Variants in SRF observed in about 807,000 individuals in gnomAD.
SRF encodes the protein c-fos serum response element-binding transcription factor.
Under a neutral mutation model 37.1 loss-of-function variants are expected in SRF, and 7 were observed. The observed-to-expected ratio is 0.19, with a 90% CI of 0.11 to 0.35. The LOEUF is 0.35. Among genes scored for constraint, SRF ranks in the 10% least tolerant of loss-of-function variants. The probability of loss-of-function intolerance (pLI) is 1.00; values close to 1 mark genes in which losing one functional copy is unlikely to be tolerated. For missense variants in SRF, 395 were observed against 694.4 expected, an observed-to-expected ratio of 0.57 and a Z score of 4.85; for synonymous variants, 285 against 310.1, an observed-to-expected ratio of 0.92 and a Z score of 0.85.
In SRF at chr6:43,176,277, C is replaced by A. The variant is rs1169502685; in HGVS notation, c.1043-271C>A. 6.6e-6 allele frequency among the ~76,000 whole-genome samples: 1 copy of A among 152,164 alleles called. No individual in the cohort carries two copies. Among genetic ancestry groups the A allele is most frequent in the African/African-American group, 2.4e-5 (1 of 41,434 alleles). ...TTCCTGCCTTGACTGGAAGGCAGAT[C>A]ATGTCTTTGATGGGTTATTGCCAGC... On this transcript the variant is annotated intron_variant, in intron 3 of 6. Transcript: ENST00000265354. This position sits in a 1 kb window ranked among gnomAD's most constrained non-coding sequence, Gnocchi z 4.0.
chr6:43,181,175 A>G lies in SRF; in HGVS notation c.*1985A>G, dbSNP rs959475552. On this transcript the variant is annotated 3_prime_UTR_variant, in exon 7 of 7. Transcript: ENST00000265354. ...TCTCCTTCCCACAAAAGACAGACCC[A>G]GTGAGTGAATCAGGCAAAGTGCTTA... The G allele has an allele frequency of 6.5e-6, 1 of 152,770 alleles. No homozygotes were observed. Among genetic ancestry groups the G allele is most frequent in the African/African-American group, 2.4e-5 (1 of 41,444 alleles). The allele number at this position is 152,770 out of a possible 1,614,324, so 9.5% of individuals were successfully genotyped here.
In SRF at chr6:43,178,680, G is replaced by A; in HGVS notation, c.1355-126G>A. 8.0e-7 allele frequency: 1 copy of A among 1,257,560 alleles called. No individual in the cohort carries two copies. The allele number at this position is 1,257,560 out of a possible 1,614,324, so 77.9% of individuals were successfully genotyped here. Reference sequence around the variant, plus strand: ...ACCCGCATGCACCCTCAGACACACTGGCACCCTTTCCCTTGGGCTCTTACA... The same window carrying A: ...ACCCGCATGCACCCTCAGACACACTAGCACCCTTTCCCTTGGGCTCTTACA... On this transcript the variant is annotated intron_variant, in intron 5 of 6. Transcript: ENST00000265354. This position sits in a 1 kb window ranked among gnomAD's most constrained non-coding sequence, Gnocchi z 4.3.
chr6:43,176,845 G>T lies in SRF; in HGVS notation c.1162+178G>T, dbSNP rs565785538. Among the ~76,000 whole-genome samples the T allele has an allele frequency of 6.6e-6, 1 of 152,116 alleles. No homozygotes were observed. The highest frequency in any genetic ancestry group is 1.5e-5 in the Non-Finnish European group (1 of 68,016). The stretch of plus-strand genomic sequence containing the variant: ...TGAGGATGACTGGGTTTTGAATCCC[G>T]CCCTGCAGTGGGCTGCGGATTCCAG... On this transcript the variant is annotated intron_variant, in intron 4 of 6. Transcript: ENST00000265354. The surrounding 1 kb of genome is among the most constrained non-coding windows in gnomAD (Gnocchi z 4.0).
rs560798978 is a variant in SRF, at chr6:43,175,591, G to A, written c.781-115G>A. The A allele has an allele frequency of 7.1e-5, 97 of 1,370,468 alleles. No individual in the cohort carries two copies. In the African/African-American group the frequency reaches 1.1e-3, roughly 16 times the overall value. 84.9% of individuals were successfully genotyped at this position (1,370,468 alleles called of 1,614,324 possible). A position where few individuals can be genotyped will look rare whatever the true frequency, so the allele number is the denominator to read the frequency against. On this transcript the variant is annotated intron_variant, in intron 2 of 6. Coordinates refer to ENST00000265354, the MANE Select transcript of SRF (RefSeq NM_003131.4). ...AGTCAGGCATCAGGTAAATGGTGGC[G>A]TTGGGATTTGAACCCAAGCTCACTG...
In SRF at chr6:43,172,194, C is replaced by T. The variant is rs1772121285; in HGVS notation, c.513+25C>T. On this transcript the variant is annotated intron_variant, in intron 1 of 6. Coordinates refer to ENST00000265354, the MANE Select transcript of SRF (RefSeq NM_003131.4). The surrounding 1 kb of genome is among the most constrained non-coding windows in gnomAD (Gnocchi z 5.7). ...GGTACCAAGCCGGGGGGCTGGCCGG[C>T]CCCGGGGCCCGGTTGGGGTGGGGAT... The T allele has an allele frequency of 1.9e-6, 3 of 1,599,418 alleles. No individual in the cohort carries two copies.
In SRF at chr6:43,179,333, C is replaced by G. The variant is rs1412345932; in HGVS notation, c.*143C>G. ...ACGGGCAGCCACAGGACTGAGCCCTCTCACTCCAGCCAAAGAAATGGGCCT... is the reference window on the plus strand; with the variant it reads ...ACGGGCAGCCACAGGACTGAGCCCTGTCACTCCAGCCAAAGAAATGGGCCT... On this transcript the variant is annotated 3_prime_UTR_variant, in exon 7 of 7. Coordinates refer to ENST00000265354, the MANE Select transcript of SRF (RefSeq NM_003131.4). This position sits in a 1 kb window ranked among gnomAD's most constrained non-coding sequence, Gnocchi z 5.3. 3.7e-6 allele frequency: 3 copies of G among 804,274 alleles called. No individual in the cohort carries two copies. Among genetic ancestry groups the G allele is most frequent in the African/African-American group, 3.4e-5 (2 of 58,536 alleles). The allele number at this position is 804,274 out of a possible 1,614,324, so 49.8% of individuals were successfully genotyped here. A position where few individuals can be genotyped will look rare whatever the true frequency, so the allele number is the denominator to read the frequency against.
chr6:43,177,929 AAAGG>A (rs1203516143), intron 4 of SRF, among the ~76,000 whole-genome samples: 2 of 151,806 alleles, frequency 1.3e-5, no homozygotes, highest in African/African-American at 4.8e-5. Flanking sequence ...AAAAAAAAAA[AAAGG>A]AGGGAGAATG....
chr6:43,178,253 T>G lies in SRF; in HGVS notation c.1163-41T>G. The G allele has an allele frequency of 6.4e-7, 1 of 1,554,432 alleles. No homozygotes were observed. The highest frequency in any genetic ancestry group is 8.7e-7 in the Non-Finnish European group (1 of 1,143,520). ...CTAGGGACGGAATGGGAGTTATCAGTGGGGACCAGTGCCGAGCTGACACAT... is the reference window on the plus strand; with the variant it reads ...CTAGGGACGGAATGGGAGTTATCAGGGGGGACCAGTGCCGAGCTGACACAT... On this transcript the variant is annotated intron_variant, in intron 4 of 6. Coordinates refer to ENST00000265354, the MANE Select transcript of SRF (RefSeq NM_003131.4). The surrounding 1 kb of genome is among the most constrained non-coding windows in gnomAD (Gnocchi z 4.3).
intron 4 of SRF, among the ~76,000 whole-genome samples, chr6:43,177,567 C>A (rs753990184): frequency 1.3e-5 from 2 of 150,604 alleles, no homozygotes; most frequent in African/African-American, 4.9e-5. Context: ...ATATAATGCA[C>A]GTTAACATTT....
chr6:43,174,069 C>A lies in SRF; in HGVS notation c.736C>A (p.Leu246Ile). The change falls in exon 2 of 7, where the codon CTC becomes ATC. Residue 246 changes from leucine (L) to isoleucine (I), a missense_variant. Leu to Ile is a conservative substitution (Grantham distance 5, BLOSUM62 2). Transcript: ENST00000265354. ...MSATGFEETD[L>I]TYQVSESDSS... is the part of the protein sequence containing the mutation. ...TGCCACTGGCTTTGAAGAGACAGAT[C>A]TCACCTACCAGGTGTCGGAGTCTGA... 6.2e-7 allele frequency: 1 copy of A among 1,614,200 alleles called. No individual in the cohort carries two copies. The highest frequency in any genetic ancestry group is 8.5e-7 in the Non-Finnish European group (1 of 1,180,022).
At position 43,177,870 on chromosome 6, in the gene SRF, G is replaced by A. The variant is rs572276165; in HGVS notation, c.1163-424G>A. On this transcript the variant is annotated intron_variant, in intron 4 of 6. Coordinates refer to ENST00000265354, the MANE Select transcript of SRF (RefSeq NM_003131.4). Reference sequence around the variant, plus strand: ...GCGGAGCTTGCAGTGAGCCAAGATCGCGCCACTGCACCCCAGCCTGGGTGA... The same window carrying A: ...GCGGAGCTTGCAGTGAGCCAAGATCACGCCACTGCACCCCAGCCTGGGTGA... Among the ~76,000 whole-genome samples, 13 of 148,504 alleles carry A rather than the reference G, an allele frequency of 8.8e-5. No individual in the cohort carries two copies. In the East Asian group the frequency reaches 1.8e-3, roughly 21 times the overall value.
In SRF at chr6:43,178,983, G is replaced by A. The variant is rs1178419284; in HGVS notation, c.1431+101G>A. ...TCATCAAAGCCAAAATCCCTAGCCTGGAAGCCCATCTGCTTTTCTGCTCAG... is the reference window on the plus strand; with the variant it reads ...TCATCAAAGCCAAAATCCCTAGCCTAGAAGCCCATCTGCTTTTCTGCTCAG... On this transcript the variant is annotated intron_variant, in intron 6 of 6. Coordinates refer to ENST00000265354, the MANE Select transcript of SRF (RefSeq NM_003131.4). The surrounding 1 kb of genome is among the most constrained non-coding windows in gnomAD (Gnocchi z 4.3). The A allele has an allele frequency of 3.2e-6, 5 of 1,566,244 alleles. No homozygotes were observed. In the Admixed American group the frequency reaches 6.7e-5, roughly 21 times the overall value.
Position 43,179,210 on chromosome 6 carries a change from A to G in SRF, c.*20A>G, listed in dbSNP as rs1286889315. 6.2e-7 allele frequency: 1 copy of G among 1,612,958 alleles called. No homozygotes were observed. The highest frequency in any genetic ancestry group is 8.5e-7 in the Non-Finnish European group (1 of 1,178,972). The stretch of plus-strand genomic sequence containing the variant: ...GAATGATCCGCCCGCCGCCCTGGAC[A>G]GATGGCCCAAGGGATGGCACCACTT... On this transcript the variant is annotated 3_prime_UTR_variant, in exon 7 of 7. Coordinates refer to ENST00000265354, the MANE Select transcript of SRF (RefSeq NM_003131.4). This position sits in a 1 kb window ranked among gnomAD's most constrained non-coding sequence, Gnocchi z 5.3.
Position 43,173,706 on chromosome 6 carries a change from C to A in SRF, c.514-141C>A. ...TGCTTCCAGAGATCCTGATAGGACA[C>A]CCTGCCCTCAGAGTCATTAGAGACG... On this transcript the variant is annotated intron_variant, in intron 1 of 6. Transcript: ENST00000265354. This position sits in a 1 kb window ranked among gnomAD's most constrained non-coding sequence, Gnocchi z 4.2. 2 of 1,150,190 alleles carry A rather than the reference C, an allele frequency of 1.7e-6. No homozygotes were observed. Among genetic ancestry groups the A allele is most frequent in the Non-Finnish European group, 2.4e-6 (2 of 831,770 alleles). 71.2% of individuals were successfully genotyped at this position (1,150,190 alleles called of 1,614,324 possible). A position where few individuals can be genotyped will look rare whatever the true frequency, so the allele number is the denominator to read the frequency against.
chr6:43,175,147 C>G (rs984081858), intron 2 of SRF, among the ~76,000 whole-genome samples: 1 of 152,192 alleles, frequency 6.6e-6, no homozygotes, highest in African/African-American at 2.4e-5. Flanking sequence ...CAGTTCCTAT[C>G]TCAGAAGCCT....
At position 43,178,484 on chromosome 6, in the gene SRF, A is replaced by G; in HGVS notation, c.1353A>G (p.Pro451=). ...TGTCACACAGCCAGGTCCAGGAGCC[A>G]GGTGAGTAGAGGAGCAGGGCTAAGG... is the stretch of plus-strand genomic sequence containing the variant. ...MQVSHSQVQE[P]GGVPQVFLTA... is the part of the protein sequence containing the mutation. The change falls in exon 5 of 7, where the codon CCA becomes CCG. Residue 451 remains proline (P), a splice_region_variant and synonymous_variant. Coordinates refer to ENST00000265354, the MANE Select transcript of SRF (RefSeq NM_003131.4). The surrounding 1 kb of genome is among the most constrained non-coding windows in gnomAD (Gnocchi z 4.3). 7 of 1,612,364 alleles carry G rather than the reference A, an allele frequency of 4.3e-6. No homozygotes were observed. The highest frequency in any genetic ancestry group is 5.9e-6 in the Non-Finnish European group (7 of 1,178,654).
At position 43,171,862 on chromosome 6, in the gene SRF, C is replaced by T. The variant is rs1212906721; in HGVS notation, c.206C>T (p.Ala69Val). ...GCGGCAGCGGCGGCAACCACCCCGG[C>T]GCCCACCGCGGGGGCCCTCTACAGC... Reference protein sequence around the residue: ...EAAAAAATTPAPTAGALYSGS... With the variant: ...EAAAAAATTPVPTAGALYSGS... The change falls in exon 1 of 7, where the codon GCG becomes GTG. Residue 69 changes from alanine (A) to valine (V), a missense_variant. Around this residue, in one of 4 missense-constraint regions of SRF, gnomAD observed 134 missense variants for 204.5 expected, o/e 0.66. Coordinates refer to ENST00000265354, the MANE Select transcript of SRF (RefSeq NM_003131.4). This position sits in a 1 kb window ranked among gnomAD's most constrained non-coding sequence, Gnocchi z 6.5. 10 of 1,308,824 alleles carry T rather than the reference C, an allele frequency of 7.6e-6. No homozygotes were observed. The South Asian group carries it at 2.0e-4, about 27-fold the overall frequency. 81.1% of individuals were successfully genotyped at this position (1,308,824 alleles called of 1,614,324 possible). A position where few individuals can be genotyped will look rare whatever the true frequency, so the allele number is the denominator to read the frequency against.
Position 43,175,845 on chromosome 6 carries a change from C to A in SRF, c.920C>A (p.Ser307Tyr). 1 of 1,614,216 alleles carries A rather than the reference C, an allele frequency of 6.2e-7. No individual in the cohort carries two copies. Among genetic ancestry groups the A allele is most frequent in the South Asian group, 1.1e-5 (1 of 91,088 alleles). Residue 307 changes from serine (S) to tyrosine (Y), a missense_variant, in exon 3 of 7, where the codon TCT (serine) becomes TAT (tyrosine). This residue lies in a region of SRF where 232 missense variants were observed against 335.6 expected (regional missense o/e 0.69). Coordinates refer to ENST00000265354, the MANE Select transcript of SRF (RefSeq NM_003131.4). ...FPITNYLAPV[S>Y]ASVSPSAVSS... is the part of the protein sequence containing the mutation. ...ATCACCAACTACCTGGCACCAGTGT[C>A]TGCTAGTGTCAGCCCCAGTGCTGTC...
chr6:43,175,681 T>G (rs1296608684), intron 2 of SRF, 25 bp from the exon 3 acceptor site: 1 of 1,611,958 alleles, frequency 6.2e-7, no homozygotes, highest in Non-Finnish European at 8.5e-7. Context: ...AGGGGCTCAT[T>G]GCTTCATCTT....
Sources: allele counts gnomAD v4.1 joint callset (sites outside exome capture counted in the v4.1 genomes callset), GRCh38; gene constraint gnomAD v4.1.1; regional missense constraint gnomAD v4.1.1; non-coding constraint Gnocchi (gnomAD v3.1); transcripts MANE v1.5; gene names NCBI Gene and HGNC (gene_info 2026-07-23, HGNC 2026-07-21).